FBXO42: variants seen among roughly 807,000 people sequenced by gnomAD.
FBXO42 encodes the protein F-box only protein 42.
FBXO42 carries 12 observed loss-of-function variants against 71.7 expected under a neutral mutation model. The ratio of observed to expected loss-of-function variants is 0.17; its 90% confidence interval spans 0.11 to 0.27. The LOEUF is 0.27. Ranked by LOEUF, FBXO42 falls within the 10% of genes least tolerant of loss-of-function variation. FBXO42 has a pLI of 1.00. For missense variants in FBXO42, 707 were observed against 911.9 expected (o/e 0.78, Z 2.89); for synonymous variants, 325 against 327.5 (o/e 0.99, Z 0.08).
At chr1:16,254,361 C>A (rs1365155777) in intron 6 of FBXO42, among the ~76,000 whole-genome samples, 1 of 152,204 alleles carries the variant, frequency 6.6e-6, no homozygotes, top group South Asian at 2.1e-4. Context: ...GCAGCTTCAT[C>A]ATTGTCCAGG....
intron 4 of FBXO42, among the ~76,000 whole-genome samples, chr1:16,277,723 C>CAAA (rs552327405): frequency 8.8e-5 from 9 of 101,822 alleles, no homozygotes; most frequent in African/African-American, 2.6e-4. Flanking sequence ...GATTCTGTCT[C>CAAA]AAAAAAAAAA....
chr1:16,272,413 C>A (rs547520609), intron 4 of FBXO42, among the ~76,000 whole-genome samples: 11 of 152,018 alleles, frequency 7.2e-5, no homozygotes, highest in African/African-American at 1.2e-4. Context: ...GCATGCACCA[C>A]CACGCCCAGC....
chr1:16,260,975 G>A (rs142264882), intron 4 of FBXO42, among the ~76,000 whole-genome samples: 1 of 152,204 alleles, frequency 6.6e-6, no homozygotes, highest in East Asian at 1.9e-4. Flanking sequence ...CCAAAGTGCT[G>A]GAATTACAGG....
intron 4 of FBXO42, among the ~76,000 whole-genome samples, chr1:16,257,139 C>T (rs769473739): frequency 2.6e-5 from 4 of 152,172 alleles, no homozygotes; most frequent in Non-Finnish European, 5.9e-5. Context: ...CACCCCTTCC[C>T]ATCCCTTTAA....
intron 4 of FBXO42, 64 bp downstream of exon 4, chr1:16,294,719 G>A (rs1304524803): frequency 8.3e-6 from 13 of 1,568,158 alleles, no homozygotes; most frequent in African/African-American, 1.4e-5. Flanking sequence ...AAATGATCAG[G>A]TAGAGTTTCC....
At chr1:16,302,556 C>G (rs2082205990) in intron 3 of FBXO42, among the ~76,000 whole-genome samples, 1 of 152,150 alleles carries the variant, frequency 6.6e-6, no homozygotes, top group South Asian at 2.1e-4. Context: ...GTTGCCCAGG[C>G]TGTAGTGCAG....
intron 1 of FBXO42, among the ~76,000 whole-genome samples, chr1:16,328,510 GAAGA>G: frequency 6.6e-6 from 1 of 152,310 alleles, no homozygotes; most frequent in East Asian, 1.9e-4. Flanking sequence ...GTCAAGGAAG[GAAGA>G]TAGAATGATC....
chr1:16,313,067 T>C (rs1041261907), intron 2 of FBXO42, among the ~76,000 whole-genome samples: 13 of 152,118 alleles, frequency 8.5e-5, no homozygotes, highest in Non-Finnish European at 1.8e-4. Flanking sequence ...AGTGCTGGGA[T>C]TACAGGCGTG....
rs191864104 is a variant in FBXO42 at position 16,322,139 on chromosome 1, G to A, written c.-17-6704C>T. ...CTACCTTTATATGTTACTAGATGTT[G>A]TCAAAATATTTTATTGGTCAGAATT... On this transcript the variant is annotated intron_variant, in intron 1 of 9. Coordinates refer to ENST00000375592, the MANE Select transcript of FBXO42 (RefSeq NM_018994.3). Among the ~76,000 whole-genome samples, 345 of 152,238 alleles carry A rather than the reference G, an allele frequency of 2.3e-3. 1 individual carries two copies. The highest frequency in any genetic ancestry group is 4.0e-3 in the Non-Finnish European group (271 of 68,018).
intron 2 of FBXO42, among the ~76,000 whole-genome samples, chr1:16,309,559 T>A (rs1400126778): frequency 6.6e-6 from 1 of 152,068 alleles, no homozygotes; most frequent in East Asian, 1.9e-4. Flanking sequence ...GACCTTGACT[T>A]TGGGGATGAC....
At chr1:16,295,240 T>C (rs2082116440) in intron 3 of FBXO42, among the ~76,000 whole-genome samples, 1 of 152,204 alleles carries the variant, frequency 6.6e-6, no homozygotes, top group Admixed American at 6.5e-5. Context: ...AGCTACATAA[T>C]TGATCTAAAT....
intron 1 of FBXO42, among the ~76,000 whole-genome samples, chr1:16,344,658 C>CT (rs2082639777): frequency 6.6e-6 from 1 of 151,882 alleles, no homozygotes; most frequent in South Asian, 2.1e-4. Flanking sequence ...TTTAAACCTT[C>CT]TTATACATAC....
At chr1:16,285,009 G>C (rs903838812) in intron 4 of FBXO42, among the ~76,000 whole-genome samples, 1 of 147,626 alleles carries the variant, frequency 6.8e-6, no homozygotes, top group Admixed American at 6.7e-5. Context: ...AGCCGGGCGT[G>C]GTGGCACGTG....
intron 1 of FBXO42, among the ~76,000 whole-genome samples, chr1:16,323,236 G>A (rs556857065): frequency 1.3e-5 from 2 of 151,420 alleles, no homozygotes; most frequent in East Asian, 3.9e-4. Flanking sequence ...GGCCAACATG[G>A]TGAAACCCCA....
rs12069239 is a variant in FBXO42 at position 16,251,413 on chromosome 1, G to C, written c.1411C>G (p.Pro471Ala). 0.35 allele frequency: 563,135 copies of C among 1,613,826 alleles called. 102,988 individuals are homozygous for C. The highest frequency in any genetic ancestry group is 0.43 in the African/African-American group (31,911 of 74,940). The part of the protein sequence containing the change: ...QAISPSTPSA[P>A]EGYDLKIGLS... ...CCTATTTTCAGGTCGTATCCTTCAG[G>C]AGCAGATGGAGTACTTGGAGATATG... Residue 471 changes from proline to alanine, a missense_variant, in exon 10 of 10, where the codon CCT becomes GCT. Transcript: ENST00000375592. This position sits in a 1 kb window ranked among gnomAD's most constrained non-coding sequence, Gnocchi z 4.5.
At chr1:16,272,663 A>C (rs2081859163) in intron 4 of FBXO42, among the ~76,000 whole-genome samples, 1 of 152,216 alleles carries the variant, frequency 6.6e-6, no homozygotes, top group South Asian at 2.1e-4. Flanking sequence ...CTTGTCAGCC[A>C]CACTTTGATC....
chr1:16,250,611 T>C lies in FBXO42; in HGVS notation c.*59A>G, dbSNP rs113003324. On this transcript the variant is annotated 3_prime_UTR_variant, in exon 10 of 10. Coordinates refer to ENST00000375592, the MANE Select transcript of FBXO42 (RefSeq NM_018994.3). The surrounding 1 kb of genome is among the most constrained non-coding windows in gnomAD (Gnocchi z 4.7). ...TTTTCCCAATTCTCAGTCCAAATGC[T>C]TACACACTGGAAAATTCCAAATTAA... 3.7e-3 allele frequency: 5,713 copies of C among 1,555,590 alleles called. 168 individuals are homozygous for C. In the African/African-American group the frequency reaches 0.068, roughly 19 times the overall value.
intron 4 of FBXO42, among the ~76,000 whole-genome samples, chr1:16,289,897 A>C (rs1391976566): frequency 2.0e-5 from 3 of 152,214 alleles, no homozygotes; most frequent in Non-Finnish European, 4.4e-5. Context: ...CCTGGATGAC[A>C]GAGTAAGACC....
In FBXO42 at chr1:16,251,776, AC is replaced by A; in HGVS notation, c.1047del (p.Gln349HisfsTer20). The A allele has an allele frequency of 6.2e-7, 1 of 1,612,996 alleles. No individual in the cohort carries two copies. Among genetic ancestry groups the A allele is most frequent in the South Asian group, 1.1e-5 (1 of 91,024 alleles). On this transcript the variant is annotated frameshift_variant, in exon 10 of 10. Transcript: ENST00000375592. LOFTEE classifies it high-confidence loss of function. This position sits in a 1 kb window ranked among gnomAD's most constrained non-coding sequence, Gnocchi z 4.5. ...LWCHPACRVG[Q>X]CVVVFSQAPS... ...GGAGCCTGGCTGAAGACCACCACAC[AC>A]TGTCCCACCTGGAAGACAAAGGACC... is the stretch of plus-strand genomic sequence containing the variant.
Sources: gnomAD v4.1 joint callset for allele counts (sites outside exome capture counted in the v4.1 genomes callset) on GRCh38, gnomAD v4.1.1 for gene constraint, Gnocchi (gnomAD v3.1) non-coding constraint, MANE v1.5 for transcripts, NCBI Gene and HGNC (gene_info 2026-07-23, HGNC 2026-07-21) for gene names.